GALNT2: variants seen among roughly 807,000 people sequenced by gnomAD.
GALNT2 encodes polypeptide N-acetylgalactosaminyltransferase 2.
A neutral mutation model predicts 81.4 loss-of-function variants in GALNT2; 31 were observed. The observed-to-expected ratio is 0.38, with a 90% CI of 0.29 to 0.51. The LOEUF is 0.51. GALNT2 is among the 20% of genes least tolerant of loss of function. The pLI, the probability that GALNT2 is intolerant of heterozygous loss-of-function variation, is 0.87. For missense variants in GALNT2, 629 were observed against 765.7 expected (o/e 0.82, Z 2.11); for synonymous variants, 303 against 287.4 (o/e 1.05, Z -0.55).
chr1:230,111,168 A>G (rs1244114676), intron 1 of GALNT2, among the ~76,000 whole-genome samples: 1 of 152,212 alleles, frequency 6.6e-6, no homozygotes, highest in Non-Finnish European at 1.5e-5. Context: ...TGTACACAGC[A>G]CACATGCACA....
rs185392812 is a variant in GALNT2, at chr1:230,076,444, C to T, written c.126+9038C>T. On this transcript the variant is annotated intron_variant, in intron 1 of 15. Coordinates refer to ENST00000366672, the MANE Select transcript of GALNT2 (RefSeq NM_004481.5). The stretch of plus-strand genomic sequence containing the variant: ...GTGATGTGATCTTTGGGAGTTGCTG[C>T]GGGTGGGAGTGGGGTTTGTTGATTC... Among the ~76,000 whole-genome samples the T allele has an allele frequency of 8.5e-5, 13 of 152,188 alleles. No homozygotes were observed. The East Asian group carries it at 9.6e-4, about 11-fold the overall frequency.
chr1:230,129,930 T>G (rs60506249), intron 1 of GALNT2, among the ~76,000 whole-genome samples: 14,683 of 152,304 alleles, frequency 0.096, 1,072 homozygotes, highest in East Asian at 0.33. Context: ...GCATTGCTTC[T>G]GCAGCTTCCT....
In GALNT2 at chr1:230,082,114, G is replaced by A. The variant is rs553668963; in HGVS notation, c.126+14708G>A. ...AATTTTTGGACTAGGAGTGTCAGTCGGGGTGCAGAGGCACCTGGTGAGGCA... is the reference window on the plus strand; with the variant it reads ...AATTTTTGGACTAGGAGTGTCAGTCAGGGTGCAGAGGCACCTGGTGAGGCA... On this transcript the variant is annotated intron_variant, in intron 1 of 15. Coordinates refer to ENST00000366672, the MANE Select transcript of GALNT2 (RefSeq NM_004481.5). 4.6e-5 allele frequency among the ~76,000 whole-genome samples: 7 copies of A among 152,286 alleles called. No homozygotes were observed. In the South Asian group the frequency reaches 1.5e-3, roughly 32 times the overall value.
intron 1 of GALNT2, among the ~76,000 whole-genome samples, chr1:230,104,413 A>G (rs1660482053): frequency 6.6e-6 from 1 of 152,148 alleles, no homozygotes; most frequent in Non-Finnish European, 1.5e-5. Context: ...AGGCGGCTGT[A>G]TTTTAGCCTG....
At chr1:230,189,948 A>G (rs1230985141) in intron 2 of GALNT2, among the ~76,000 whole-genome samples, 2 of 152,110 alleles carry the variant, frequency 1.3e-5, no homozygotes, top group African/African-American at 2.4e-5. Context: ...AGGTTCACCC[A>G]TGTTGTGGGT....
At chr1:230,109,391 GTGCCACAAAGGCAGCCC>G (rs1422329062) in intron 1 of GALNT2, among the ~76,000 whole-genome samples, 1 of 152,214 alleles carries the variant, frequency 6.6e-6, no homozygotes. Flanking sequence ...GTCAGGACTA[GTGCCACAAAGGCAGCCC>G]TGTCACACGA....
intron 1 of GALNT2, among the ~76,000 whole-genome samples, chr1:230,093,770 A>G (rs918075830): frequency 6.6e-6 from 1 of 152,242 alleles, no homozygotes; most frequent in Non-Finnish European, 1.5e-5. Context: ...ATAGTTGCAT[A>G]CAGTATTCAG....
chr1:230,217,722 G>T (rs1213125798), intron 3 of GALNT2, among the ~76,000 whole-genome samples: 4 of 152,178 alleles, frequency 2.6e-5, no homozygotes, highest in African/African-American at 9.7e-5. Context: ...AAGAACAGTG[G>T]ATCTTCCAGA....
intron 2 of GALNT2, among the ~76,000 whole-genome samples, chr1:230,196,372 G>A (rs1663695952): frequency 2.0e-5 from 3 of 152,206 alleles, no homozygotes; most frequent in African/African-American, 7.2e-5. Flanking sequence ...GGTCTTTCCA[G>A]TGAGGTGTTT....
intron 2 of GALNT2, among the ~76,000 whole-genome samples, chr1:230,190,958 G>A (rs970881831): frequency 6.6e-6 from 1 of 152,058 alleles, no homozygotes; most frequent in South Asian, 2.1e-4. Context: ...AAATTGCAGG[G>A]TCAATGGCAA....
intron 1 of GALNT2, among the ~76,000 whole-genome samples, chr1:230,168,606 G>A (rs4846921): frequency 0.5 from 76,467 of 152,106 alleles, 20,639 homozygotes; most frequent in Non-Finnish European, 0.61. Flanking sequence ...CATGATTGAC[G>A]GATGTTGGCC....
chr1:230,278,420 T>C (rs949849819), intron 15 of GALNT2, among the ~76,000 whole-genome samples: 5 of 152,110 alleles, frequency 3.3e-5, no homozygotes, highest in Admixed American at 2.0e-4. Flanking sequence ...CCGCCTGCAC[T>C]CAGGCTGAAA....
rs1666247919 is a variant in GALNT2, at chr1:230,274,987, A to ATATATACATATATACATGCTACC, written c.1560+442_1560+443insTACCTATATACATATATACATGC. Among the ~76,000 whole-genome samples, 4 of 151,958 alleles carry ATATATACATATATACATGCTACC rather than the reference A, an allele frequency of 2.6e-5. No individual in the cohort carries two copies. The South Asian group carries it at 8.3e-4, about 31-fold the overall frequency. ...CACACCACATATATATACATGCTAC[A>ATATATACATATATACATGCTACC]TATATACATATATACATGCCACATA... On this transcript the variant is annotated intron_variant, in intron 15 of 15. Transcript: ENST00000366672.
chr1:230,133,238 GA>G (rs1661426754), intron 1 of GALNT2, among the ~76,000 whole-genome samples: 1 of 152,114 alleles, frequency 6.6e-6, no homozygotes, highest in Admixed American at 6.5e-5. Flanking sequence ...CCTTGGAATA[GA>G]TTTCTAAAAG....
chr1:230,093,251 T>G (rs778645429), intron 1 of GALNT2, among the ~76,000 whole-genome samples: 1 of 152,224 alleles, frequency 6.6e-6, no homozygotes, highest in Non-Finnish European at 1.5e-5. Flanking sequence ...TTCTTAGCCT[T>G]CAAGCTTGAT....
intron 1 of GALNT2, among the ~76,000 whole-genome samples, chr1:230,095,057 G>C (rs1376240679): frequency 6.6e-6 from 1 of 152,138 alleles, no homozygotes; most frequent in Non-Finnish European, 1.5e-5. Context: ...CTCCGAGTCT[G>C]CTGGTCCTCA....
At position 230,158,588 on chromosome 1, in the gene GALNT2, A is replaced by G. The variant is rs1045642772; in HGVS notation, c.127-19630A>G. 4.6e-5 allele frequency among the ~76,000 whole-genome samples: 7 copies of G among 152,224 alleles called. No individual in the cohort carries two copies. The South Asian group carries it at 1.4e-3, about 31-fold the overall frequency. ...GCCTGGTATCCACAAGAGTGGAAGC[A>G]GCTGGTCAGGGCCACGGAACTGGAG... On this transcript the variant is annotated intron_variant, in intron 1 of 15. Transcript: ENST00000366672.
intron 1 of GALNT2, among the ~76,000 whole-genome samples, chr1:230,144,539 G>A (rs1332107130): frequency 6.6e-6 from 1 of 152,164 alleles, no homozygotes; most frequent in Non-Finnish European, 1.5e-5. Flanking sequence ...CCTTAAGAAA[G>A]TTTTATTGTG....
At chr1:230,112,307 C>T (rs1660725791) in intron 1 of GALNT2, among the ~76,000 whole-genome samples, 1 of 150,556 alleles carries the variant, frequency 6.6e-6, no homozygotes, top group African/African-American at 2.5e-5. Context: ...ACTCCAGGCG[C>T]ACCCTGAGAG....
Sources: gnomAD v4.1 joint callset for allele counts (sites outside exome capture counted in the v4.1 genomes callset) on GRCh38, gnomAD v4.1.1 for gene constraint, MANE v1.5 for transcripts, NCBI Gene and HGNC (gene_info 2026-07-23, HGNC 2026-07-21) for gene names.